Variants in MTCH1 observed in about 807,000 individuals in gnomAD.
The protein encoded by MTCH1 is mitochondrial carrier 1, also known as mitochondrial carrier homolog 1.
In MTCH1, 23 loss-of-function variants were observed where a neutral mutation model predicts 49.3. That is an observed-to-expected ratio of 0.47 (90% CI 0.34 to 0.66). MTCH1 has a LOEUF of 0.66. Ranked by LOEUF, MTCH1 falls within the 30% of genes least tolerant of loss-of-function variation. The pLI, the probability that MTCH1 is intolerant of heterozygous loss-of-function variation, is 0.01. For missense variants in MTCH1, 397 were observed against 532.1 expected (o/e 0.75, Z 2.50); for synonymous variants, 229 against 215.2 (o/e 1.06, Z -0.56).
At chr6:36,980,397 C>T (rs1469982405) in intron 2 of MTCH1, among the ~76,000 whole-genome samples, 1 of 152,238 alleles carries the variant, frequency 6.6e-6, no homozygotes, top group Admixed American at 6.5e-5. Flanking sequence ...CAGCCATCTG[C>T]CCCGGCTGCC....
Position 36,977,971 on chromosome 6 carries a change from C to T in MTCH1, c.591+107G>A. On this transcript the variant is annotated intron_variant, in intron 4 of 11. Coordinates refer to ENST00000373627, the MANE Select transcript of MTCH1 (RefSeq NM_001271641.2). This position sits in a 1 kb window ranked among gnomAD's most constrained non-coding sequence, Gnocchi z 5.4. The stretch of plus-strand genomic sequence containing the variant: ...TCCCTTACCATCCCACCCATGCATA[C>T]ACAAGGACCCAACTCTTCGACTTGT... 1.0e-5 allele frequency: 11 copies of T among 1,049,526 alleles called. No individual in the cohort carries two copies. The South Asian group carries it at 1.2e-4, about 12-fold the overall frequency. 65.0% of individuals were successfully genotyped at this position (1,049,526 alleles called of 1,614,324 possible). A position where few individuals can be genotyped will look rare whatever the true frequency, so the allele number is the denominator to read the frequency against.
At position 36,982,281 on chromosome 6, in the gene MTCH1, A is replaced by C. The variant is rs1764125340; in HGVS notation, c.322-609T>G. Among the ~76,000 whole-genome samples the C allele has an allele frequency of 6.6e-6, 1 of 152,040 alleles. No homozygotes were observed. Among genetic ancestry groups the C allele is most frequent in the African/African-American group, 2.4e-5 (1 of 41,362 alleles). ...ATATCCTTAGCTGCGTTCTCACCTC[A>C]ATCACCCTACATCCCTGTGACAAAA... On this transcript the variant is annotated intron_variant, in intron 1 of 11. Coordinates refer to ENST00000373627, the MANE Select transcript of MTCH1 (RefSeq NM_001271641.2). This position sits in a 1 kb window ranked among gnomAD's most constrained non-coding sequence, Gnocchi z 4.1.
chr6:36,980,436 C>A (rs1004351145), intron 2 of MTCH1, among the ~76,000 whole-genome samples: 1 of 152,226 alleles, frequency 6.6e-6, no homozygotes, highest in Non-Finnish European at 1.5e-5. Flanking sequence ...CCTCACTACA[C>A]AATGGTGGGG....
rs745854778 is a variant in MTCH1 at position 36,981,635 on chromosome 6, T to C, written c.359A>G (p.Asn120Ser). Residue 120 changes from asparagine (N) to serine (S), a missense_variant, in exon 2 of 12, where the codon AAT becomes AGT. Transcript: ENST00000373627. ...HEPMPPTLGT[N>S]VLGRKVLYLP... ...ATAGAGGACCTTCCTCCCCAGCACATTGGTCCCAAGGGTGGGGGGCATCGG... is the reference window on the plus strand; with the variant it reads ...ATAGAGGACCTTCCTCCCCAGCACACTGGTCCCAAGGGTGGGGGGCATCGG... 1.9e-5 allele frequency: 31 copies of C among 1,613,692 alleles called. No homozygotes were observed. Among genetic ancestry groups the C allele is most frequent in the African/African-American group, 5.3e-5 (4 of 74,854 alleles).
intron 1 of MTCH1, among the ~76,000 whole-genome samples, 162 bp downstream of exon 1, chr6:36,985,691 C>T (rs1323772783): frequency 1.3e-5 from 2 of 151,992 alleles, no homozygotes. Flanking sequence ...CCAACTCCCT[C>T]ACGGCTTCCC....
chr6:36,968,799 A>G lies in MTCH1; in HGVS notation c.*104T>C. Reference sequence around the variant, plus strand: ...AACTGAAGCCCGGCTGGGCTGGAGCACATCTGGTTGTTGTTGGGTTGGAGT... The same window carrying G: ...AACTGAAGCCCGGCTGGGCTGGAGCGCATCTGGTTGTTGTTGGGTTGGAGT... On this transcript the variant is annotated 3_prime_UTR_variant, in exon 12 of 12. Transcript: ENST00000373627. The G allele has an allele frequency of 2.6e-6, 4 of 1,541,780 alleles. No homozygotes were observed. Among genetic ancestry groups the G allele is most frequent in the Non-Finnish European group, 3.6e-6 (4 of 1,120,738 alleles).
At chr6:36,985,422 C>G (rs1273551043) in intron 1 of MTCH1, among the ~76,000 whole-genome samples, 1 of 151,258 alleles carries the variant, frequency 6.6e-6, no homozygotes, top group Non-Finnish European at 1.5e-5. Context: ...GGCCCCCAAC[C>G]TTCCTCCCCA....
chr6:36,979,541 G>A (rs945915997), intron 2 of MTCH1, among the ~76,000 whole-genome samples: 7 of 152,198 alleles, frequency 4.6e-5, no homozygotes, highest in Admixed American at 1.3e-4. Flanking sequence ...TTGCTCCTCC[G>A]CAGATGTCTG....
chr6:36,979,585 G>C (rs1764017041), intron 2 of MTCH1, among the ~76,000 whole-genome samples: 1 of 152,168 alleles, frequency 6.6e-6, no homozygotes, highest in African/African-American at 2.4e-5. Context: ...AGCTAGCATG[G>C]GTTTTTCATG....
intron 2 of MTCH1, among the ~76,000 whole-genome samples, chr6:36,980,755 G>C (rs1345891140): frequency 2.0e-5 from 3 of 152,256 alleles, no homozygotes; most frequent in African/African-American, 7.2e-5. Flanking sequence ...GCCTGCAATG[G>C]AACTCCAGCT....
At chr6:36,973,334 G>A (rs536881348) in intron 7 of MTCH1, among the ~76,000 whole-genome samples, 160 of 152,274 alleles carry the variant, frequency 1.1e-3, no homozygotes, top group African/African-American at 3.8e-3. Flanking sequence ...CAGTGCTGAG[G>A]GCAAAAGGCC....
At position 36,968,349 on chromosome 6, in the gene MTCH1, T is replaced by C; in HGVS notation, c.*554A>G. On this transcript the variant is annotated 3_prime_UTR_variant, in exon 12 of 12. Transcript: ENST00000373627. Reference sequence around the variant, plus strand: ...TTCTGAGTAGTTGCATGATTTCCCATTCAGAGGCAGGTGCTGCCCTCATAT... The same window carrying C: ...TTCTGAGTAGTTGCATGATTTCCCACTCAGAGGCAGGTGCTGCCCTCATAT... 1 of 241,594 alleles carries C rather than the reference T, an allele frequency of 4.1e-6. No homozygotes were observed. The allele number at this position is 241,594 out of a possible 1,614,324, so 15.0% of individuals were successfully genotyped here.
intron 1 of MTCH1, among the ~76,000 whole-genome samples, chr6:36,983,911 A>G (rs1764198355): frequency 6.6e-6 from 1 of 152,192 alleles, no homozygotes; most frequent in Non-Finnish European, 1.5e-5. Flanking sequence ...TTCAAATCAG[A>G]CAGGCACCTC....
At chr6:36,976,422 C>T (rs771735036) in intron 6 of MTCH1, 1 of 421,104 alleles carries the variant, frequency 2.4e-6, no homozygotes, top group Non-Finnish European at 5.0e-6. Flanking sequence ...CCAGATCATC[C>T]CAGCCCTGCC....
chr6:36,978,725 G>T, intron 2 of MTCH1, 114 bp from the exon 3 acceptor site: 1 of 823,998 alleles, frequency 1.2e-6, no homozygotes. Context: ...GCTGACTACA[G>T]GCACAGAAGG....
At chr6:36,985,411 G>A (rs1022037216) in intron 1 of MTCH1, among the ~76,000 whole-genome samples, 12 of 150,542 alleles carry the variant, frequency 8.0e-5, no homozygotes, top group Non-Finnish European at 1.5e-4. Context: ...CACTTTGCCT[G>A]GGCCCCCAAC....
intron 1 of MTCH1, among the ~76,000 whole-genome samples, chr6:36,983,389 T>C (rs115537221): frequency 0.014 from 2,105 of 152,298 alleles, 50 homozygotes; most frequent in African/African-American, 0.046. Flanking sequence ...TTGCTGTCCT[T>C]ATCCAGTTTA....
At chr6:36,980,407 C>T (rs1421299194) in intron 2 of MTCH1, among the ~76,000 whole-genome samples, 1 of 152,256 alleles carries the variant, frequency 6.6e-6, no homozygotes, top group Non-Finnish European at 1.5e-5. Context: ...CCCCGGCTGC[C>T]TTACCTCTCT....
intron 1 of MTCH1, among the ~76,000 whole-genome samples, chr6:36,984,698 C>G (rs930465516): frequency 1.3e-5 from 2 of 152,116 alleles, no homozygotes; most frequent in African/African-American, 4.8e-5. Context: ...CACACCTCCA[C>G]ACGCCCTTCA....
Sources: allele counts gnomAD v4.1 joint callset (sites outside exome capture counted in the v4.1 genomes callset), GRCh38; gene constraint gnomAD v4.1.1; non-coding constraint Gnocchi (gnomAD v3.1); transcripts MANE v1.5; gene names NCBI Gene and HGNC (gene_info 2026-07-23, HGNC 2026-07-21).